GULP1: variants seen among roughly 807,000 people sequenced by gnomAD.
The protein encoded by GULP1 is GULP PTB domain containing engulfment adaptor 1.
In GULP1, 19 loss-of-function variants were observed where a neutral mutation model predicts 40.9. The ratio of observed to expected loss-of-function variants is 0.46; its 90% CI spans 0.32 to 0.68. The LOEUF (loss-of-function observed/expected upper bound fraction) is 0.68, where lower values mean the gene tolerates loss of function less well. Among genes scored for constraint, GULP1 ranks in the 30% least tolerant of loss-of-function variants. The pLI, the probability that GULP1 is intolerant of heterozygous loss-of-function variation, is 0.03. For synonymous variants in GULP1, 119 were observed against 117.6 expected (o/e 1.01, Z -0.08); for missense variants, 312 against 362.2 (o/e 0.86, Z 1.12).
At chr2:188,445,919 T>C (rs2058343996) in intron 2 of GULP1, among the ~76,000 whole-genome samples, 1 of 152,168 alleles carries the variant, frequency 6.6e-6, no homozygotes, top group South Asian at 2.1e-4. Flanking sequence ...AACTTCAGCC[T>C]CTGTTGCAGG....
At chr2:188,410,815 A>C (rs984437379) in intron 2 of GULP1, among the ~76,000 whole-genome samples, 1 of 152,162 alleles carries the variant, frequency 6.6e-6, no homozygotes, top group African/African-American at 2.4e-5. Context: ...AAAGATAGTT[A>C]TAAGAAATAG....
intron 1 of GULP1, among the ~76,000 whole-genome samples, chr2:188,377,432 T>C (rs1452895350): frequency 6.6e-6 from 1 of 152,208 alleles, no homozygotes; most frequent in Non-Finnish European, 1.5e-5. Context: ...ATGTTTATAA[T>C]AGACAAGATT....
chr2:188,426,615 A>G (rs2056233805), intron 2 of GULP1, among the ~76,000 whole-genome samples: 1 of 152,172 alleles, frequency 6.6e-6, no homozygotes, highest in African/African-American at 2.4e-5. Flanking sequence ...TCAGGCTGGA[A>G]TTTGGTTATC....
At chr2:188,416,881 T>C (rs1334739080) in intron 2 of GULP1, among the ~76,000 whole-genome samples, 3 of 152,234 alleles carry the variant, frequency 2.0e-5, no homozygotes, top group Non-Finnish European at 4.4e-5. Flanking sequence ...TCTAGTAGAC[T>C]GTATTCATTC....
intron 1 of GULP1, among the ~76,000 whole-genome samples, chr2:188,358,269 A>G (rs528429397): frequency 1.3e-5 from 2 of 152,192 alleles, no homozygotes; most frequent in Non-Finnish European, 2.9e-5. Flanking sequence ...TTTCACTTAT[A>G]CTCGGAAGCT....
chr2:188,444,664 G>A (rs1177975963), intron 2 of GULP1, among the ~76,000 whole-genome samples: 3 of 152,154 alleles, frequency 2.0e-5, no homozygotes, highest in Non-Finnish European at 4.4e-5. Flanking sequence ...TATTCTGTGT[G>A]CATTCCGGTC....
rs576835675 is a variant in GULP1 at position 188,359,110 on chromosome 2, A to G, written c.-171-24653A>G. Reference sequence around the variant, plus strand: ...TTTCACAGATAAATTTAGTGTTTTAAGTTGGATTTGGATAGTAAACATACA... The same window carrying G: ...TTTCACAGATAAATTTAGTGTTTTAGGTTGGATTTGGATAGTAAACATACA... On this transcript the variant is annotated intron_variant, in intron 1 of 11. Transcript: ENST00000409830. 5.9e-5 allele frequency among the ~76,000 whole-genome samples: 9 copies of G among 152,292 alleles called. No individual in the cohort carries two copies. In the South Asian group the frequency reaches 1.5e-3, roughly 25 times the overall value.
At chr2:188,311,405 C>G (rs567724108) in intron 1 of GULP1, among the ~76,000 whole-genome samples, 1 of 152,240 alleles carries the variant, frequency 6.6e-6, no homozygotes, top group South Asian at 2.1e-4. Context: ...CCATGTTGGT[C>G]AGGATGGTCT....
chr2:188,298,793 G>T (rs180695711), intron 1 of GULP1, among the ~76,000 whole-genome samples: 26 of 152,292 alleles, frequency 1.7e-4, no homozygotes, highest in African/African-American at 6.3e-4. Flanking sequence ...GAGTAGTACA[G>T]ATGAGGTTTT....
chr2:188,494,225 G>GA (rs1052335065), intron 4 of GULP1, among the ~76,000 whole-genome samples: 2 of 151,832 alleles, frequency 1.3e-5, no homozygotes, highest in African/African-American at 4.8e-5. Context: ...TATCAGCTGT[G>GA]ACCAGTGTTC....
intron 4 of GULP1, among the ~76,000 whole-genome samples, chr2:188,493,321 A>G (rs187127533): frequency 2.6e-5 from 4 of 151,916 alleles, no homozygotes; most frequent in African/African-American, 9.6e-5. Context: ...ATCCATCCCA[A>G]TTTCCCTCCT....
At chr2:188,411,529 A>T (rs979673671) in intron 2 of GULP1, among the ~76,000 whole-genome samples, 2 of 152,126 alleles carry the variant, frequency 1.3e-5, no homozygotes, top group Non-Finnish European at 2.9e-5. Context: ...GTGTCCACAG[A>T]AAGGGTCATC....
intron 1 of GULP1, among the ~76,000 whole-genome samples, chr2:188,354,201 T>G (rs1408119757): frequency 1.3e-5 from 2 of 152,112 alleles, no homozygotes; most frequent in African/African-American, 4.8e-5. Context: ...CTGCCAATTT[T>G]TACCATCTCA....
At chr2:188,560,062 C>T (rs1429522277) in intron 7 of GULP1, among the ~76,000 whole-genome samples, 1 of 152,180 alleles carries the variant, frequency 6.6e-6, no homozygotes, top group African/African-American at 2.4e-5. Context: ...ATGTCTTTAT[C>T]AGCAGCGTGA....
chr2:188,463,274 T>C (rs1406322193), intron 2 of GULP1, among the ~76,000 whole-genome samples: 2 of 152,170 alleles, frequency 1.3e-5, no homozygotes, highest in Admixed American at 1.3e-4. Flanking sequence ...TTGAAAGATA[T>C]TTTTGCCATA....
At chr2:188,465,264 G>C (rs1047904713) in intron 2 of GULP1, among the ~76,000 whole-genome samples, 3 of 152,116 alleles carry the variant, frequency 2.0e-5, no homozygotes, top group African/African-American at 7.2e-5. Flanking sequence ...CTTCAAGGCA[G>C]TAGGTTCCTT....
chr2:188,456,953 G>T (rs2059318126), intron 2 of GULP1, among the ~76,000 whole-genome samples: 1 of 152,160 alleles, frequency 6.6e-6, no homozygotes, highest in Non-Finnish European at 1.5e-5. Flanking sequence ...GGAGGTTTAA[G>T]ATTTGAATCC....
chr2:188,542,074 T>C (rs973857604), intron 7 of GULP1: 1 of 151,244 alleles, frequency 6.6e-6, no homozygotes, highest in Non-Finnish European at 1.5e-5. Flanking sequence ...GCCACTGAAT[T>C]CCAGCCTGGC....
chr2:188,406,313 G>T (rs1434114607), intron 2 of GULP1, among the ~76,000 whole-genome samples: 1 of 152,158 alleles, frequency 6.6e-6, no homozygotes, highest in South Asian at 2.1e-4. Flanking sequence ...AAATACAGAA[G>T]AGGTACAGTG....
Sources: allele counts gnomAD v4.1 joint callset (sites outside exome capture counted in the v4.1 genomes callset), GRCh38; gene constraint gnomAD v4.1.1; transcripts MANE v1.5; gene names NCBI Gene and HGNC (gene_info 2026-07-23, HGNC 2026-07-21).